Variants in NOP9 observed in about 807,000 individuals in gnomAD.
The protein encoded by NOP9 is NOP9 nucleolar protein.
Under a neutral mutation model 63.0 loss-of-function variants are expected in NOP9, and 50 were observed. The observed-to-expected ratio is 0.79, with a 90% CI of 0.63 to 1.00. The LOEUF (loss-of-function observed/expected upper bound fraction) is 1.00. Among genes scored for constraint, NOP9 ranks in the 50% least tolerant of loss-of-function variants. The pLI is 0.00. For synonymous variants in NOP9, 343 were observed against 332.8 expected, an observed-to-expected ratio of 1.03 and a Z score of -0.33; for missense variants, 758 against 803.0, an observed-to-expected ratio of 0.94 and a Z score of 0.68.
At chr14:24,302,637 A>G (rs941506) in intron 5 of NOP9, among the ~76,000 whole-genome samples, 143,691 of 152,310 alleles carry the variant, frequency 0.94, 67,855 homozygotes, top group Non-Finnish European at 0.96. Flanking sequence ...ACCAGCAAGA[A>G]ACTGGCTTTA....
rs1277800407 is a variant in NOP9, at chr14:24,299,917, A to G, written c.-38A>G. On this transcript the variant is annotated 5_prime_UTR_variant, in exon 1 of 10. Coordinates refer to ENST00000267425, the MANE Select transcript of NOP9 (RefSeq NM_174913.3). The stretch of plus-strand genomic sequence containing the variant: ...CGACGTCGAAGGTCCGTCCGCAGTT[A>G]AGGAAGCTTTTGCAGCCGGACAGGT... 3 of 1,511,904 alleles carry G rather than the reference A, an allele frequency of 2.0e-6. No individual in the cohort carries two copies. The highest frequency in any genetic ancestry group is 1.4e-5 in the African/African-American group (1 of 71,732). The allele number at this position is 1,511,904 out of a possible 1,614,324, so 93.7% of individuals were successfully genotyped here.
At chr14:24,282,647 C>T in the NOP9 span, among the ~76,000 whole-genome samples, 1 of 152,168 alleles carries the variant, frequency 6.6e-6, no homozygotes, top group African/African-American at 2.4e-5. Flanking sequence ...CCTTACTCAC[C>T]AATATGGGGC....
rs201790677 is a variant in NOP9 at position 24,303,793 on chromosome 14, T to C, written c.1346T>C (p.Leu449Ser). The stretch of plus-strand genomic sequence containing the variant: ...GCCTGTGTGCCTCTCTTTGCCACTT[T>C]GATGGCTTATGAGGTGTACTATGGA... ...QVACVPLFAT[L>S]MAYEVYYGLT... Residue 449 changes from leucine (L) to serine (S), a missense_variant, in exon 7 of 10, where the codon TTG (leucine) becomes TCG (serine). Coordinates refer to ENST00000267425, the MANE Select transcript of NOP9 (RefSeq NM_174913.3). 2.2e-5 allele frequency: 36 copies of C among 1,614,192 alleles called. No homozygotes were observed. The Admixed American group carries it at 4.3e-4, about 19-fold the overall frequency.
the NOP9 span, chr14:24,271,339 G>A: frequency 1.5e-4 from 71 of 470,980 alleles, no homozygotes; most frequent in African/African-American, 1.1e-3. Flanking sequence ...ACTTCCATCC[G>A]TGTGGCCCTT....
At chr14:24,286,347 C>T in the NOP9 span, among the ~76,000 whole-genome samples, 97 of 152,336 alleles carry the variant, frequency 6.4e-4, 1 homozygote, top group African/African-American at 2.3e-3. Context: ...ATACTGATAG[C>T]GGGCCAGCCT....
chr14:24,307,142 C>A lies in NOP9; in HGVS notation c.*2047C>A. 2.4e-6 allele frequency: 1 copy of A among 419,618 alleles called. No homozygotes were observed. Among genetic ancestry groups the A allele is most frequent in the Non-Finnish European group, 4.2e-6 (1 of 235,338 alleles). 26.0% of individuals were successfully genotyped at this position (419,618 alleles called of 1,614,324 possible). On this transcript the variant is annotated 3_prime_UTR_variant, in exon 10 of 10. Coordinates refer to ENST00000267425, the MANE Select transcript of NOP9 (RefSeq NM_174913.3). ...TCCATACTAGCTTCTGAATTCTGTC[C>A]CTCGAACTCTCCCTATCTCCTGCTA...
intron 2 of NOP9, 89 bp downstream of exon 2, chr14:24,300,946 TG>T: frequency 2.8e-6 from 3 of 1,060,726 alleles, no homozygotes; most frequent in Non-Finnish European, 4.1e-6. Context: ...TAAGTCTTCA[TG>T]GGGGAGCTTG....
At position 24,307,958 on chromosome 14, in the gene NOP9, G is replaced by T; in HGVS notation, c.*2863G>T. The T allele has an allele frequency of 8.9e-7, 1 of 1,118,482 alleles. No individual in the cohort carries two copies. Among genetic ancestry groups the T allele is most frequent in the Non-Finnish European group, 1.3e-6 (1 of 754,084 alleles). 69.3% of individuals were successfully genotyped at this position (1,118,482 alleles called of 1,614,324 possible). ...TTTCTGTTACAAACCTGGGATCTCA[G>T]CCCAGGACAAGGTGGGAATGAGTCA... On this transcript the variant is annotated 3_prime_UTR_variant, in exon 10 of 10. Coordinates refer to ENST00000267425, the MANE Select transcript of NOP9 (RefSeq NM_174913.3).
chr14:24,296,028 ACCCAGTG>A (rs2041242421), upstream of NOP9, among the ~76,000 whole-genome samples: 1 of 152,144 alleles, frequency 6.6e-6, no homozygotes, highest in African/African-American at 2.4e-5. Flanking sequence ...ACCCTGTGTG[ACCCAGTG>A]ATGTACCTGC....
the NOP9 span, among the ~76,000 whole-genome samples, chr14:24,280,766 CAG>C: frequency 6.6e-6 from 1 of 152,074 alleles, no homozygotes; most frequent in Admixed American, 6.5e-5. Flanking sequence ...GGAAATGAAA[CAG>C]GGTATTGAGA....
intron 5 of NOP9, 64 bp from the exon 6 acceptor site, chr14:24,303,010 T>C: frequency 6.9e-7 from 1 of 1,459,360 alleles, no homozygotes; most frequent in Non-Finnish European, 9.1e-7. Flanking sequence ...TTGGGAAGAT[T>C]TCTCTGAATA....
the NOP9 span, among the ~76,000 whole-genome samples, chr14:24,280,124 A>G: frequency 2.6e-5 from 4 of 152,250 alleles, no homozygotes; most frequent in African/African-American, 9.6e-5. Context: ...GACAGTGAGC[A>G]GAGCACAGAC....
At chr14:24,292,512 G>A in the NOP9 span, 1 of 1,525,502 alleles carries the variant, frequency 6.6e-7, no homozygotes, top group East Asian at 2.3e-5. Context: ...CACAAGCAAA[G>A]GAACTGTCCA....
chr14:24,271,580 A>C, the NOP9 span: 33 of 156,578 alleles, frequency 2.1e-4, no homozygotes, highest in African/African-American at 7.4e-4. Context: ...CGGCTCATCG[A>C]AACGCAGCGC....
chr14:24,280,117 A>G, the NOP9 span, among the ~76,000 whole-genome samples: 2 of 152,244 alleles, frequency 1.3e-5, no homozygotes, highest in African/African-American at 4.8e-5. Context: ...GGGCTGCGAC[A>G]GTGAGCAGAG....
chr14:24,291,929 G>C, the NOP9 span: 1 of 605,870 alleles, frequency 1.7e-6, no homozygotes, highest in Non-Finnish European at 2.9e-6. Context: ...ATGGTCTTTG[G>C]AGCTAGACAG....
At chr14:24,273,176 A>ATT in the NOP9 span, among the ~76,000 whole-genome samples, 1,831 of 137,832 alleles carry the variant, frequency 0.013, 22 homozygotes, top group South Asian at 0.028. Context: ...AGTGCTTTAA[A>ATT]TTTTTTTTTT....
the NOP9 span, among the ~76,000 whole-genome samples, chr14:24,279,236 G>A: frequency 1.3e-5 from 2 of 152,192 alleles, no homozygotes; most frequent in African/African-American, 4.8e-5. Context: ...TGGAGCAGGG[G>A]ACTAGAGTAA....
chr14:24,306,223 C>T lies in NOP9; in HGVS notation c.*1128C>T, dbSNP rs1594626784. Reference sequence around the variant, plus strand: ...ATCAGCACTGGGTCAGACCCTCCCTCGCTTGGACTTTCTGTCCACTGTGTG... The same window carrying T: ...ATCAGCACTGGGTCAGACCCTCCCTTGCTTGGACTTTCTGTCCACTGTGTG... On this transcript the variant is annotated 3_prime_UTR_variant, in exon 10 of 10. Coordinates refer to ENST00000267425, the MANE Select transcript of NOP9 (RefSeq NM_174913.3). 4.6e-6 allele frequency: 7 copies of T among 1,529,224 alleles called. No homozygotes were observed. Among genetic ancestry groups the T allele is most frequent in the Non-Finnish European group, 6.3e-6 (7 of 1,115,888 alleles). 94.7% of individuals were successfully genotyped at this position (1,529,224 alleles called of 1,614,324 possible).
Sources: allele counts gnomAD v4.1 joint callset (sites outside exome capture counted in the v4.1 genomes callset), GRCh38; gene constraint gnomAD v4.1.1; transcripts MANE v1.5; gene names NCBI Gene and HGNC (gene_info 2026-07-23, HGNC 2026-07-21).